Variants in TRPM3 observed in about 807,000 individuals in gnomAD.
TRPM3 encodes the protein transient receptor potential cation channel subfamily M member 3.
TRPM3 carries 77 observed loss-of-function variants against 181.2 expected under a neutral mutation model. The observed-to-expected ratio is 0.42, with a 90% CI of 0.35 to 0.51. TRPM3 has a LOEUF of 0.51. Ranked by LOEUF, TRPM3 falls within the 20% of genes least tolerant of loss-of-function variation. TRPM3 has a pLI of 0.01. For missense variants in TRPM3, 1,759 were observed against 2,196.7 expected, an observed-to-expected ratio of 0.80 and a Z score of 3.98; for synonymous variants, 745 against 796.4, an observed-to-expected ratio of 0.94 and a Z score of 1.09.
At chr9:71,445,568 A>G (rs923225458) in intron 1 of TRPM3, among the ~76,000 whole-genome samples, 1 of 152,242 alleles carries the variant, frequency 6.6e-6, no homozygotes. Flanking sequence ...CAAAAATTTC[A>G]AATGTTTATA....
chr9:71,187,876 A>ACAGG (rs1003819635), intron 1 of TRPM3, among the ~76,000 whole-genome samples: 1 of 150,278 alleles, frequency 6.7e-6, no homozygotes, highest in Admixed American at 6.7e-5. Flanking sequence ...TTCAAGACAG[A>ACAGG]CAGGCAGACA....
chr9:71,022,607 A>G (rs2097855870), intron 1 of TRPM3, among the ~76,000 whole-genome samples: 1 of 152,152 alleles, frequency 6.6e-6, no homozygotes, highest in African/African-American at 2.4e-5. Flanking sequence ...CAGAGGTGGG[A>G]GGATATTTTG....
chr9:71,280,001 C>T (rs2084570706), intron 1 of TRPM3, among the ~76,000 whole-genome samples: 1 of 151,130 alleles, frequency 6.6e-6, no homozygotes, highest in South Asian at 2.1e-4. Context: ...ATTGCTGGAA[C>T]CCAGAGTCAG....
At chr9:71,311,221 G>A (rs2087897535) in intron 1 of TRPM3, among the ~76,000 whole-genome samples, 1 of 151,966 alleles carries the variant, frequency 6.6e-6, no homozygotes, top group Non-Finnish European at 1.5e-5. Flanking sequence ...TCTCACTAAG[G>A]AATTTTTCTG....
chr9:70,951,211 T>C (rs987903542), intron 1 of TRPM3, among the ~76,000 whole-genome samples: 41 of 152,330 alleles, frequency 2.7e-4, no homozygotes, highest in African/African-American at 8.7e-4. Context: ...CAGGAAAATA[T>C]AGGTATAATA....
At chr9:70,629,323 G>GTT (rs892321193) in intron 12 of TRPM3, among the ~76,000 whole-genome samples, 3 of 147,518 alleles carry the variant, frequency 2.0e-5, no homozygotes, top group Non-Finnish European at 3.0e-5. Context: ...TGCCTCTTCC[G>GTT]TTTTTTGTTT....
chr9:70,985,603 C>G (rs2097411977), intron 1 of TRPM3, among the ~76,000 whole-genome samples: 1 of 152,012 alleles, frequency 6.6e-6, no homozygotes, highest in African/African-American at 2.4e-5. Flanking sequence ...TAAAAGTTGT[C>G]TTCTAAATTC....
chr9:71,331,354 T>C (rs1291316700), intron 1 of TRPM3, among the ~76,000 whole-genome samples: 1 of 151,864 alleles, frequency 6.6e-6, no homozygotes, highest in Non-Finnish European at 1.5e-5. Context: ...TTTTGCCTCG[T>C]AATAAATATC....
chr9:71,058,874 T>A (rs904378776), intron 1 of TRPM3, among the ~76,000 whole-genome samples: 1 of 151,966 alleles, frequency 6.6e-6, no homozygotes, highest in African/African-American at 2.4e-5. Context: ...TGCTTCTGTA[T>A]CCAGACTATA....
chr9:70,619,405 T>C (rs1277958814), intron 16 of TRPM3, among the ~76,000 whole-genome samples: 1 of 100,556 alleles, frequency 9.9e-6, no homozygotes, highest in East Asian at 3.4e-4. Context: ...ATCGTCGTCT[T>C]CTTTTTTTTT....
At chr9:70,992,346 C>A (rs899092598) in intron 1 of TRPM3, among the ~76,000 whole-genome samples, 2 of 152,186 alleles carry the variant, frequency 1.3e-5, no homozygotes, top group African/African-American at 4.8e-5. Context: ...CTTTGTGAAG[C>A]AGGGCTTCTA....
intron 1 of TRPM3, among the ~76,000 whole-genome samples, chr9:70,968,517 T>C (rs1279748087): frequency 6.6e-6 from 1 of 152,196 alleles, no homozygotes; most frequent in Non-Finnish European, 1.5e-5. Context: ...GATTCAGTTC[T>C]ATTCCAAGGG....
intron 1 of TRPM3, among the ~76,000 whole-genome samples, chr9:71,413,022 C>T (rs1316808469): frequency 6.6e-6 from 1 of 152,088 alleles, no homozygotes; most frequent in Non-Finnish European, 1.5e-5. Flanking sequence ...ACCGCATGTT[C>T]TCACTCATAG....
At chr9:70,976,850 T>A (rs2097307694) in intron 1 of TRPM3, among the ~76,000 whole-genome samples, 1 of 152,144 alleles carries the variant, frequency 6.6e-6, no homozygotes, top group African/African-American at 2.4e-5. Context: ...GTGGTAGTTA[T>A]TAATGGAGTC....
intron 1 of TRPM3, among the ~76,000 whole-genome samples, chr9:71,361,069 C>A (rs574695695): frequency 1.2e-4 from 19 of 152,294 alleles, no homozygotes; most frequent in African/African-American, 2.6e-4. Flanking sequence ...TCACTGCAAC[C>A]TCCAGCTCCT....
At chr9:70,555,493 A>G (rs1174595980) in intron 22 of TRPM3, among the ~76,000 whole-genome samples, 1 of 152,240 alleles carries the variant, frequency 6.6e-6, no homozygotes. Flanking sequence ...CGAATGTTGC[A>G]TAAATACAGG....
chr9:70,549,481 G>A (rs1313214004), intron 25 of TRPM3, 61 bp downstream of exon 25: 11 of 1,535,962 alleles, frequency 7.2e-6, no homozygotes, highest in South Asian at 5.1e-5. Context: ...GAATAAATTC[G>A]ATGGATAAAG....
intron 1 of TRPM3, among the ~76,000 whole-genome samples, chr9:70,988,114 T>A (rs2097439355): frequency 6.6e-6 from 1 of 152,202 alleles, no homozygotes; most frequent in African/African-American, 2.4e-5. Context: ...TTCTTTGGAA[T>A]CTCTTGGAAA....
Position 70,634,769 on chromosome 9 carries a change from G to A in TRPM3, c.1632+442C>T, listed in dbSNP as rs145097805. Among the ~76,000 whole-genome samples, 178 of 152,230 alleles carry A rather than the reference G, an allele frequency of 1.2e-3. 1 individual carries two copies. Among genetic ancestry groups the A allele is most frequent in the African/African-American group, 4.0e-3 (167 of 41,546 alleles). On this transcript the variant is annotated intron_variant, in intron 12 of 25. Transcript: ENST00000677713. ...AATGCATATTTATGTTTTAGTCCCT[G>A]TTTTTAGAAAATTTGGAGCTATGCT... is the stretch of plus-strand genomic sequence containing the variant.
Sources: gnomAD v4.1 joint callset for allele counts (sites outside exome capture counted in the v4.1 genomes callset) on GRCh38, gnomAD v4.1.1 for gene constraint, MANE v1.5 for transcripts, NCBI Gene and HGNC (gene_info 2026-07-23, HGNC 2026-07-21) for gene names.